The following NTN5 variants were observed in gnomAD, a reference collection of about 807,000 sequenced individuals.
NTN5 encodes netrin 5.
A neutral mutation model predicts 38.7 loss-of-function variants in NTN5; 42 were observed. That is an observed-to-expected ratio of 1.08 (90% confidence interval 0.85 to 1.40). The LOEUF is 1.40. Among genes scored for constraint, NTN5 ranks in the 40% most tolerant of loss-of-function variants. The pLI is 0.00. For synonymous variants in NTN5, 329 were observed against 303.9 expected (o/e 1.08, Z -0.86); for missense variants, 658 against 716.5 (o/e 0.92, Z 0.93).
chr19:48,662,076 G>A (rs751085774), intron 6 of NTN5, 35 bp from the exon 7 acceptor site: 2 of 1,415,178 alleles, frequency 1.4e-6, no homozygotes, highest in Non-Finnish European at 9.2e-7. Context: ...CAGGTCGTGG[G>A]GAGCTTCCAG....
chr19:48,670,267 C>T (rs1160151120), intron 2 of NTN5, 89 bp downstream of exon 2: 15 of 1,296,334 alleles, frequency 1.2e-5, no homozygotes, highest in East Asian at 3.0e-5. Flanking sequence ...CCAGTTCCAG[C>T]GAGGGAAGGG....
At chr19:48,669,558 C>T (rs976501558) in intron 2 of NTN5, among the ~76,000 whole-genome samples, 7 of 4,480 alleles carry the variant, frequency 1.6e-3, no homozygotes, top group Admixed American at 2.5e-3. Context: ...ACCACCATCA[C>T]CACCACCATC....
intron 2 of NTN5, among the ~76,000 whole-genome samples, chr19:48,669,223 CACG>C (rs1322370060): frequency 3.4e-5 from 1 of 29,064 alleles, no homozygotes; most frequent in Non-Finnish European, 6.0e-5. Context: ...CCACCACCAC[CACG>C]ACCATCATCA....
At position 48,661,627 on chromosome 19, in the gene NTN5, A is replaced by C. The variant is rs748813199; in HGVS notation, c.*50T>G. The C allele has an allele frequency of 6.9e-7, 1 of 1,459,796 alleles. No individual in the cohort carries two copies. The highest frequency in any genetic ancestry group is 1.5e-5 in the African/African-American group (1 of 67,778). The allele number at this position is 1,459,796 out of a possible 1,614,324, so 90.4% of individuals were successfully genotyped here. On this transcript the variant is annotated 3_prime_UTR_variant, in exon 7 of 7. Transcript: ENST00000270235. The stretch of plus-strand genomic sequence containing the variant: ...CGTCGAGGTAGAAGGCTCAGCTCCT[A>C]GTCGCTCCCAAATTACTTTGTTGGT...
At chr19:48,669,700 T>TCACCATCAC (rs1568452434) in intron 2 of NTN5, among the ~76,000 whole-genome samples, 1 of 43,056 alleles carries the variant, frequency 2.3e-5, no homozygotes. Context: ...ACCACCATCA[T>TCACCATCAC]CACCATCACC....
At chr19:48,662,741 CCACCGCGCCCGGCCAGAAAAATG>C (rs1288563165) in intron 6 of NTN5, 1 of 156,848 alleles carries the variant, frequency 6.4e-6, no homozygotes, top group East Asian at 1.9e-4. Context: ...TTAGCATGAG[CCACCGCGCCCGGCCAGAAAAATG>C]CACTTTCTGA....
intron 2 of NTN5, among the ~76,000 whole-genome samples, chr19:48,667,718 T>A (rs2031741230): frequency 6.6e-6 from 1 of 152,002 alleles, no homozygotes; most frequent in South Asian, 2.1e-4. Flanking sequence ...TAGCCGGGCG[T>A]GGTGGCACAC....
chr19:48,664,426 C>A (rs549190722), intron 3 of NTN5, 134 bp from the exon 4 acceptor site: 2 of 1,322,394 alleles, frequency 1.5e-6, no homozygotes, highest in East Asian at 5.1e-5. Context: ...GGAGTCCAGG[C>A]CCCCAGCCCC....
chr19:48,670,407 G>C lies in NTN5; in HGVS notation c.580C>G (p.Arg194Gly), dbSNP rs749602267. 7.0e-7 allele frequency: 1 copy of C among 1,435,180 alleles called. No individual in the cohort carries two copies. The highest frequency in any genetic ancestry group is 9.1e-7 in the Non-Finnish European group (1 of 1,096,028). 88.9% of individuals were successfully genotyped at this position (1,435,180 alleles called of 1,614,324 possible). Residue 194 changes from arginine (R) to glycine (G), a missense_variant, in exon 2 of 7, where the codon CGA becomes GGA. Physicochemically the swap from Arg to Gly is moderately radical, Grantham distance 125. Coordinates refer to ENST00000270235, the MANE Select transcript of NTN5 (RefSeq NM_145807.4). Reference sequence around the variant, plus strand: ...GTGGCAGGCCGCCAGGGCCAGTCTCGATGGGACGGGCGGCAGCTCTCGCAC... The same window carrying C: ...GTGGCAGGCCGCCAGGGCCAGTCTCCATGGGACGGGCGGCAGCTCTCGCAC... The part of the protein sequence containing the change: ...PGCESCRPSH[R>G]DWPWRPATPR...
intron 6 of NTN5, chr19:48,663,231 A>C (rs2031595904): frequency 1.5e-6 from 1 of 648,784 alleles, no homozygotes; most frequent in African/African-American, 1.8e-5. Context: ...GAAACTCTGT[A>C]AGCCGAAGAA....
chr19:48,668,027 C>T (rs1332605558), intron 2 of NTN5, among the ~76,000 whole-genome samples: 1 of 152,006 alleles, frequency 6.6e-6, no homozygotes, highest in African/African-American at 2.4e-5. Context: ...GGGAGGGGGT[C>T]AGGGCCGGAA....
Position 48,670,336 on chromosome 19 carries a change from G to A in NTN5, c.631+20C>T, listed in dbSNP as rs763771681. On this transcript the variant is annotated intron_variant, in intron 2 of 6. Coordinates refer to ENST00000270235, the MANE Select transcript of NTN5 (RefSeq NM_145807.4). ...TGGCAGGCAGGCAAAGGCAGGGAGA[G>A]TGAGGGGCGCAGGACTCACGTAGGC... is the stretch of plus-strand genomic sequence containing the variant. 3 of 1,390,554 alleles carry A rather than the reference G, an allele frequency of 2.2e-6. No individual in the cohort carries two copies. Among genetic ancestry groups the A allele is most frequent in the African/African-American group, 3.1e-5 (2 of 65,218 alleles). The allele number at this position is 1,390,554 out of a possible 1,614,324, so 86.1% of individuals were successfully genotyped here. A position where few individuals can be genotyped will look rare whatever the true frequency, so the allele number is the denominator to read the frequency against.
At position 48,670,407 on chromosome 19, in the gene NTN5, G is replaced by A. The variant is rs749602267; in HGVS notation, c.580C>T (p.Arg194Ter). Residue 194 changes from arginine (R) to a stop codon, truncating the protein, a stop_gained, in exon 2 of 7, where the codon CGA (arginine) becomes TGA (stop). Transcript: ENST00000270235. LOFTEE classifies it high-confidence loss of function. ...GTGGCAGGCCGCCAGGGCCAGTCTC[G>A]ATGGGACGGGCGGCAGCTCTCGCAC... ...PGCESCRPSH[R>*]DWPWRPATPR... 20 of 1,435,184 alleles carry A rather than the reference G, an allele frequency of 1.4e-5. No homozygotes were observed. The highest frequency in any genetic ancestry group is 6.1e-5 in the Admixed American group (2 of 32,742). The allele number at this position is 1,435,184 out of a possible 1,614,324, so 88.9% of individuals were successfully genotyped here. A position where few individuals can be genotyped will look rare whatever the true frequency, so the allele number is the denominator to read the frequency against.
chr19:48,672,322 G>A (rs2031983201), intron 1 of NTN5, among the ~76,000 whole-genome samples: 1 of 152,200 alleles, frequency 6.6e-6, no homozygotes, highest in African/African-American at 2.4e-5. Flanking sequence ...AGCAGCCTCT[G>A]GTGAGGAGCT....
Position 48,661,533 on chromosome 19 carries a change from T to C in NTN5, c.*144A>G. The C allele has an allele frequency of 9.6e-7, 1 of 1,046,066 alleles. No homozygotes were observed. The highest frequency in any genetic ancestry group is 1.2e-6 in the Non-Finnish European group (1 of 802,928). 64.8% of individuals were successfully genotyped at this position (1,046,066 alleles called of 1,614,324 possible). A position where few individuals can be genotyped will look rare whatever the true frequency, so the allele number is the denominator to read the frequency against. On this transcript the variant is annotated 3_prime_UTR_variant, in exon 7 of 7. Coordinates refer to ENST00000270235, the MANE Select transcript of NTN5 (RefSeq NM_145807.4). ...CCTTTTGCTAAAAGTTCCGCACGCC[T>C]GCTCGGCGTGGGCGCAAGCATAGTG...
rs1449653440 is a variant in NTN5 at position 48,670,753 on chromosome 19, G to A, written c.234C>T (p.Val78=). ...GTCCTGGGGTACAGAAGCGCAAGCTGACAGATGTCAGGAGGAAGGGGCCAC... is the reference window on the plus strand; with the variant it reads ...GTCCTGGGGTACAGAAGCGCAAGCTAACAGATGTCAGGAGGAAGGGGCCAC... ...ALGGPFLLTS[V]SLRFCTPGPP... Residue 78 remains valine, a synonymous_variant, in exon 2 of 7, where the codon GTC becomes GTT. Coordinates refer to ENST00000270235, the MANE Select transcript of NTN5 (RefSeq NM_145807.4). 2 of 1,613,024 alleles carry A rather than the reference G, an allele frequency of 1.2e-6. No individual in the cohort carries two copies. The highest frequency in any genetic ancestry group is 1.7e-6 in the Non-Finnish European group (2 of 1,179,918).
At chr19:48,670,125 C>T (rs537467894) in intron 2 of NTN5, among the ~76,000 whole-genome samples, 73 of 152,084 alleles carry the variant, frequency 4.8e-4, no homozygotes, top group African/African-American at 1.5e-3. Flanking sequence ...TCATCACAGG[C>T]TGATGAGTGT....
At chr19:48,663,620 T>G in intron 5 of NTN5, 77 bp from the exon 6 acceptor site, 2 of 1,530,288 alleles carry the variant, frequency 1.3e-6, no homozygotes, top group African/African-American at 1.4e-5. Flanking sequence ...ATCCCTCCGT[T>G]CCATCTTGAT....
In NTN5 at chr19:48,663,494, C is replaced by A; in HGVS notation, c.1074G>T (p.Met358Ile). Residue 358 changes from methionine to isoleucine, a missense_variant, in exon 6 of 7, where the codon ATG (methionine) becomes ATT (isoleucine). Met to Ile is a conservative substitution (Grantham distance 10). Coordinates refer to ENST00000270235, the MANE Select transcript of NTN5 (RefSeq NM_145807.4). The stretch of plus-strand genomic sequence containing the variant: ...CCTGCTGGCAGTACCTCCGAAGGCT[C>A]ATGTGTACCCTGGTGTCCGACATAT... ...YCNMSDTRVH[M>I]SLRRYCQQDH... 6.2e-7 allele frequency: 1 copy of A among 1,614,210 alleles called. No individual in the cohort carries two copies.
Sources: allele counts gnomAD v4.1 joint callset (sites outside exome capture counted in the v4.1 genomes callset), GRCh38; gene constraint gnomAD v4.1.1; transcripts MANE v1.5; gene names NCBI Gene and HGNC (gene_info 2026-07-23, HGNC 2026-07-21).